Variants in SRGAP1 observed in about 807,000 individuals in gnomAD.
SRGAP1 encodes the protein SLIT-ROBO Rho GTPase-activating protein 1.
In SRGAP1, 43 loss-of-function variants were observed where a neutral mutation model predicts 121.9. The observed-to-expected ratio is 0.35, with a 90% CI of 0.28 to 0.46. SRGAP1 has a LOEUF of 0.46. SRGAP1 is among the 20% of genes least tolerant of loss of function. The pLI is 1.00. For missense variants in SRGAP1, 1,102 were observed against 1,350.9 expected, an observed-to-expected ratio of 0.82 and a Z score of 2.89; for synonymous variants, 447 against 485.4, an observed-to-expected ratio of 0.92 and a Z score of 1.04.
At chr12:64,091,808 G>T in intron 12 of SRGAP1, 1 of 911,322 alleles carries the variant, frequency 1.1e-6, no homozygotes, top group South Asian at 1.5e-5. Flanking sequence ...TGAATGAATT[G>T]TAAGACTATG....
intron 21 of SRGAP1, among the ~76,000 whole-genome samples, chr12:64,134,384 G>A (rs1264528154): frequency 6.7e-6 from 1 of 149,778 alleles, no homozygotes; most frequent in Non-Finnish European, 1.5e-5. Flanking sequence ...TTGCGCCACT[G>A]CACTCTAGCC....
intron 3 of SRGAP1, among the ~76,000 whole-genome samples, chr12:64,007,010 G>A (rs950812793): frequency 6.6e-6 from 1 of 152,082 alleles, no homozygotes; most frequent in Non-Finnish European, 1.5e-5. Context: ...ATGCAGACAT[G>A]GATTTGGACT....
At chr12:64,016,358 G>A (rs2034401471) in intron 3 of SRGAP1, among the ~76,000 whole-genome samples, 1 of 152,096 alleles carries the variant, frequency 6.6e-6, no homozygotes. Flanking sequence ...TTGGTTGCAT[G>A]CCCCTGTAGT....
At chr12:63,965,945 A>C (rs922033162) in intron 1 of SRGAP1, among the ~76,000 whole-genome samples, 3 of 152,138 alleles carry the variant, frequency 2.0e-5, no homozygotes, top group African/African-American at 7.2e-5. Context: ...CAGCCTCCCA[A>C]GTAGCTGGGA....
At chr12:63,936,463 A>G (rs1265884858) in intron 1 of SRGAP1, among the ~76,000 whole-genome samples, 2 of 152,234 alleles carry the variant, frequency 1.3e-5, no homozygotes, top group Middle Eastern at 3.4e-3. Flanking sequence ...CGGCAAGGGG[A>G]CATGTGCTCA....
intron 8 of SRGAP1, among the ~76,000 whole-genome samples, chr12:64,070,889 A>C (rs759774170): frequency 6.6e-6 from 1 of 152,164 alleles, no homozygotes; most frequent in African/African-American, 2.4e-5. Context: ...ATGTAAGTCA[A>C]TGATCAAACT....
At chr12:63,877,513 C>T (rs529098359) in intron 1 of SRGAP1, among the ~76,000 whole-genome samples, 1 of 152,202 alleles carries the variant, frequency 6.6e-6, no homozygotes, top group African/African-American at 2.4e-5. Flanking sequence ...TTGTTAAAAC[C>T]TCAACATGGA....
At chr12:63,903,821 G>T (rs1449228006) in intron 1 of SRGAP1, among the ~76,000 whole-genome samples, 1 of 151,898 alleles carries the variant, frequency 6.6e-6, no homozygotes, top group Non-Finnish European at 1.5e-5. Context: ...TTTTAGTAGA[G>T]ACGGGGTTTC....
intron 1 of SRGAP1, among the ~76,000 whole-genome samples, chr12:63,884,844 G>A (rs1181474138): frequency 2.7e-5 from 4 of 150,576 alleles, no homozygotes; most frequent in South Asian, 2.1e-4. Flanking sequence ...CTCAGCCTCC[G>A]GAGTAGCTGG....
At chr12:63,869,525 A>C (rs548265487) in intron 1 of SRGAP1, among the ~76,000 whole-genome samples, 5 of 151,678 alleles carry the variant, frequency 3.3e-5, no homozygotes, top group African/African-American at 7.3e-5. Flanking sequence ...CTTCTAAAAC[A>C]CCCCCAAATA....
intron 3 of SRGAP1, among the ~76,000 whole-genome samples, chr12:64,005,830 T>G (rs1216001182): frequency 6.6e-6 from 1 of 152,094 alleles, no homozygotes; most frequent in Non-Finnish European, 1.5e-5. Context: ...GAAACCTAAC[T>G]TTACTGAAAT....
intron 1 of SRGAP1, among the ~76,000 whole-genome samples, chr12:63,849,806 T>C (rs1040322014): frequency 6.6e-6 from 1 of 152,232 alleles, no homozygotes. Flanking sequence ...ATGACAGAGT[T>C]GCACAATTAA....
At chr12:64,065,727 T>A (rs1260408952) in intron 8 of SRGAP1, among the ~76,000 whole-genome samples, 1 of 152,194 alleles carries the variant, frequency 6.6e-6, no homozygotes, top group Non-Finnish European at 1.5e-5. Context: ...GTGTGCCATG[T>A]TAATTTAATC....
intron 1 of SRGAP1, among the ~76,000 whole-genome samples, chr12:63,874,675 T>C (rs1343378924): frequency 6.6e-6 from 1 of 152,158 alleles, no homozygotes; most frequent in African/African-American, 2.4e-5. Flanking sequence ...ATGTGTTTAT[T>C]TTCCAAATTT....
rs905250591 is a variant in SRGAP1 at position 64,146,497 on chromosome 12, A to T, written c.*3825A>T. 4 of 152,172 alleles carry T rather than the reference A, an allele frequency of 2.6e-5. No homozygotes were observed. Among genetic ancestry groups the T allele is most frequent in the African/African-American group, 4.8e-5 (2 of 41,424 alleles). The allele number at this position is 152,172 out of a possible 1,614,324, so 9.4% of individuals were successfully genotyped here. ...GAGTCTACAAACTGAAGAAACTTTC[A>T]TCTGATCAGCCTTGGAAATCCAAAG... On this transcript the variant is annotated 3_prime_UTR_variant, in exon 22 of 22. Coordinates refer to ENST00000355086, the MANE Select transcript of SRGAP1 (RefSeq NM_020762.4).
chr12:63,986,127 C>G (rs1178587194), intron 2 of SRGAP1, among the ~76,000 whole-genome samples: 1 of 151,654 alleles, frequency 6.6e-6, no homozygotes, highest in Non-Finnish European at 1.5e-5. Context: ...TTTTCTTCCT[C>G]TCCCTTTCAC....
rs867940969 is a variant in SRGAP1, at chr12:64,142,335, G to A, written c.2921G>A (p.Arg974Gln). 3.0e-5 allele frequency: 48 copies of A among 1,613,874 alleles called. 3 individuals carry two copies. In the Middle Eastern group the frequency reaches 3.8e-3, roughly 127 times the overall value. ...ETMNTALNEL[R>Q]ELERQSTAKH... is the part of the protein sequence containing the mutation. ...ATGAACACAGCTTTGAATGAACTCC[G>A]AGAACTGGAGAGACAGAGCACAGCA... Residue 974 changes from arginine to glutamine, a missense_variant, in exon 22 of 22, where the codon CGA becomes CAA. Around this residue, in one of 3 missense-constraint regions of SRGAP1, gnomAD observed 315 missense variants for 343.1 expected, o/e 0.92. Transcript: ENST00000355086.
At chr12:64,136,412 T>A (rs968342536) in intron 21 of SRGAP1, among the ~76,000 whole-genome samples, 1 of 152,114 alleles carries the variant, frequency 6.6e-6, no homozygotes, top group Non-Finnish European at 1.5e-5. Flanking sequence ...GGTTAATAGA[T>A]TCAGGGATTA....
Position 64,059,328 on chromosome 12 carries a change from A to G in SRGAP1, c.802-3589A>G, listed in dbSNP as rs111807309. Reference sequence around the variant, plus strand: ...TTAGTATGTATTTTTCAGAGCTCCAAGTCAATCTGGTGGTTGGGATTAGAT... The same window carrying G: ...TTAGTATGTATTTTTCAGAGCTCCAGGTCAATCTGGTGGTTGGGATTAGAT... On this transcript the variant is annotated intron_variant, in intron 6 of 21. Coordinates refer to ENST00000355086, the MANE Select transcript of SRGAP1 (RefSeq NM_020762.4). 2.2e-3 allele frequency among the ~76,000 whole-genome samples: 337 copies of G among 152,308 alleles called. 2 individuals are homozygous for G. The highest frequency in any genetic ancestry group is 7.5e-3 in the African/African-American group (313 of 41,570).
Sources: gnomAD v4.1 joint callset for allele counts (sites outside exome capture counted in the v4.1 genomes callset) on GRCh38, gnomAD v4.1.1 for gene constraint, gnomAD v4.1.1 regional missense constraint, MANE v1.5 for transcripts, NCBI Gene and HGNC (gene_info 2026-07-23, HGNC 2026-07-21) for gene names.